PCCA: variants seen among roughly 807,000 people sequenced by gnomAD.
PCCA encodes the protein propionyl-CoA carboxylase subunit alpha, also known as propionyl-CoA carboxylase alpha chain, mitochondrial.
In PCCA, 74 loss-of-function variants were observed where a neutral mutation model predicts 101.3. The observed-to-expected ratio is 0.73, with a 90% CI of 0.61 to 0.89. PCCA has a LOEUF of 0.89. PCCA is among the 40% of genes least tolerant of loss of function. The pLI, the probability that PCCA is intolerant of heterozygous loss-of-function variation, is 0.00. For synonymous variants in PCCA, 294 were observed against 313.6 expected (o/e 0.94, Z 0.66); for missense variants, 891 against 907.0 (o/e 0.98, Z 0.23).
At chr13:100,210,369 T>C (rs951876469) in intron 7 of PCCA, among the ~76,000 whole-genome samples, 2 of 152,218 alleles carry the variant, frequency 1.3e-5, no homozygotes, top group Admixed American at 6.5e-5. Context: ...CAGACTTTCA[T>C]AGGAAAAAAT....
intron 21 of PCCA, among the ~76,000 whole-genome samples, chr13:100,495,827 A>AT (rs1241221192): frequency 6.6e-6 from 1 of 152,136 alleles, no homozygotes; most frequent in Non-Finnish European, 1.5e-5. Context: ...ATACTTTTTA[A>AT]TTTTTTAAAA....
intron 18 of PCCA, among the ~76,000 whole-genome samples, chr13:100,358,820 T>A (rs1315210240): frequency 1.3e-5 from 2 of 152,150 alleles, no homozygotes; most frequent in African/African-American, 4.8e-5. Flanking sequence ...AAACATGCTG[T>A]TTTTTAAAAT....
intron 7 of PCCA, among the ~76,000 whole-genome samples, chr13:100,220,733 AC>A (rs1287218468): frequency 3.9e-5 from 6 of 152,192 alleles, no homozygotes; most frequent in Non-Finnish European, 7.3e-5. Context: ...TAAAGAGAAG[AC>A]CATGAATTTG....
At chr13:100,491,591 G>A (rs1420126659) in intron 21 of PCCA, 1 of 1,103,730 alleles carries the variant, frequency 9.1e-7, no homozygotes, top group Non-Finnish European at 1.2e-6. Flanking sequence ...TTGGGATAGA[G>A]GTTAACTCGG....
chr13:100,273,807 G>A (rs1235898927), intron 12 of PCCA, among the ~76,000 whole-genome samples: 5 of 152,202 alleles, frequency 3.3e-5, no homozygotes, highest in South Asian at 2.1e-4. Context: ...CAGTGAGGAC[G>A]TTGAGAATCA....
chr13:100,453,031 C>G (rs1442690640), intron 21 of PCCA, among the ~76,000 whole-genome samples: 1 of 151,334 alleles, frequency 6.6e-6, no homozygotes, highest in Non-Finnish European at 1.5e-5. Context: ...AAGGGAGACC[C>G]CATCCTTACA....
intron 18 of PCCA, among the ~76,000 whole-genome samples, chr13:100,342,631 G>A (rs142228293): frequency 6.7e-4 from 101 of 151,838 alleles, no homozygotes; most frequent in South Asian, 3.5e-3. Context: ...TCTTTACATC[G>A]TCTCTTCCAG....
intron 5 of PCCA, among the ~76,000 whole-genome samples, chr13:100,156,727 G>A (rs1251399085): frequency 1.3e-5 from 2 of 152,110 alleles, no homozygotes; most frequent in African/African-American, 2.4e-5. Context: ...TGATAGAAAC[G>A]GCTTGTTGGT....
chr13:100,303,504 A>G (rs1001842366), intron 14 of PCCA, among the ~76,000 whole-genome samples: 1 of 152,132 alleles, frequency 6.6e-6, no homozygotes, highest in Non-Finnish European at 1.5e-5. Flanking sequence ...AAAAGTGACC[A>G]CTGTCCATTT....
chr13:100,439,498 G>A (rs1395396181), intron 20 of PCCA, among the ~76,000 whole-genome samples: 1 of 152,014 alleles, frequency 6.6e-6, no homozygotes, highest in East Asian at 1.9e-4. Context: ...GGAACCTGCT[G>A]GATGAATAGA....
intron 21 of PCCA, among the ~76,000 whole-genome samples, chr13:100,486,011 C>G (rs1222284300): frequency 1.3e-5 from 2 of 152,252 alleles, no homozygotes; most frequent in African/African-American, 4.8e-5. Flanking sequence ...GAGTTGGCCT[C>G]TGCCCACTGG....
At chr13:100,331,165 G>A (rs2069504131) in intron 17 of PCCA, among the ~76,000 whole-genome samples, 1 of 152,164 alleles carries the variant, frequency 6.6e-6, no homozygotes, top group African/African-American at 2.4e-5. Flanking sequence ...TGAGTGGAAT[G>A]TGAAATTTAA....
intron 18 of PCCA, among the ~76,000 whole-genome samples, chr13:100,347,554 C>T (rs1163333511): frequency 6.6e-6 from 1 of 152,146 alleles, no homozygotes; most frequent in Non-Finnish European, 1.5e-5. Context: ...TTAAACACAA[C>T]ATTCCTTAGA....
At chr13:100,375,351 G>T (rs1322485028) in intron 19 of PCCA, among the ~76,000 whole-genome samples, 3 of 152,152 alleles carry the variant, frequency 2.0e-5, no homozygotes, top group African/African-American at 4.8e-5. Flanking sequence ...CTGTTGATTT[G>T]GGGTGTAGAG....
At chr13:100,287,381 C>G (rs1566869805) in intron 12 of PCCA, among the ~76,000 whole-genome samples, 2 of 151,936 alleles carry the variant, frequency 1.3e-5, no homozygotes, top group African/African-American at 4.8e-5. Flanking sequence ...AATCTCTGGA[C>G]TATTAGATAA....
At chr13:100,473,935 TTGTC>T (rs775056043) in intron 21 of PCCA, among the ~76,000 whole-genome samples, 11 of 152,250 alleles carry the variant, frequency 7.2e-5, no homozygotes, top group Non-Finnish European at 1.5e-4. Context: ...ATAATCAAGG[TTGTC>T]TGTTCTGCTT....
Position 100,301,527 on chromosome 13 carries a change from A to G in PCCA, c.1133A>G (p.Lys378Arg), listed in dbSNP as rs1372639658. Residue 378 changes from lysine (K) to arginine (R), a missense_variant, in exon 13 of 24, where the codon AAG (lysine) becomes AGG (arginine). Lys to Arg is a conservative substitution (Grantham distance 26). Coordinates refer to ENST00000376285, the MANE Select transcript of PCCA (RefSeq NM_000282.4). ...DLVQEMIRVA[K>R]GYPLRHKQAD... Reference sequence around the variant, plus strand: ...GTCCAGGAAATGATCCGTGTTGCTAAGGGCTACCCTCTCAGGCACAAACAA... The same window carrying G: ...GTCCAGGAAATGATCCGTGTTGCTAGGGGCTACCCTCTCAGGCACAAACAA... The G allele has an allele frequency of 6.2e-7, 1 of 1,614,064 alleles. No individual in the cohort carries two copies. Among genetic ancestry groups the G allele is most frequent in the African/African-American group, 1.3e-5 (1 of 75,038 alleles).
At chr13:100,381,658 C>A (rs1447969790) in intron 19 of PCCA, among the ~76,000 whole-genome samples, 1 of 152,242 alleles carries the variant, frequency 6.6e-6, no homozygotes, top group Admixed American at 6.5e-5. Context: ...ATTTCCCTGA[C>A]CCCTTTGCGG....
At chr13:100,350,615 A>G (rs905444008) in intron 18 of PCCA, among the ~76,000 whole-genome samples, 25 of 152,332 alleles carry the variant, frequency 1.6e-4, no homozygotes, top group African/African-American at 6.0e-4. Flanking sequence ...GCACATTTAC[A>G]TATTTTTGCT....
Sources: allele counts gnomAD v4.1 joint callset (sites outside exome capture counted in the v4.1 genomes callset), GRCh38; gene constraint gnomAD v4.1.1; transcripts MANE v1.5; gene names NCBI Gene and HGNC (gene_info 2026-07-23, HGNC 2026-07-21).